ANKMY1: variants seen among roughly 807,000 people sequenced by gnomAD.
The protein encoded by ANKMY1 is ankyrin repeat and MYND domain-containing protein 1.
A neutral mutation model predicts 102.0 loss-of-function variants in ANKMY1; 98 were observed. The ratio of observed to expected loss-of-function variants is 0.96; its 90% CI spans 0.82 to 1.14. The LOEUF (loss-of-function observed/expected upper bound fraction) is 1.14. ANKMY1 is among the 50% of genes most tolerant of loss of function. ANKMY1 has a pLI of 0.00. For missense variants in ANKMY1, 1,330 were observed against 1,347.6 expected (o/e 0.99, Z 0.20); for synonymous variants, 582 against 559.9 (o/e 1.04, Z -0.56).
intron 9 of ANKMY1, among the ~76,000 whole-genome samples, chr2:240,515,095 T>C (rs1229694837): frequency 2.0e-5 from 3 of 152,208 alleles, no homozygotes; most frequent in African/African-American, 7.2e-5. Context: ...GCACATGAGA[T>C]TGCAAGGGGC....
intron 4 of ANKMY1, among the ~76,000 whole-genome samples, chr2:240,537,819 C>A (rs1458198566): frequency 1.3e-5 from 2 of 152,244 alleles, no homozygotes; most frequent in African/African-American, 2.4e-5. Flanking sequence ...ATAGCCCACA[C>A]CTGCGCCAAT....
chr2:240,516,635 GT>G (rs2081265221), intron 9 of ANKMY1, among the ~76,000 whole-genome samples: 2 of 152,162 alleles, frequency 1.3e-5, no homozygotes. Context: ...CACAATTATT[GT>G]TTTGTTTTCT....
At chr2:240,551,433 A>G (rs2091508985) in intron 4 of ANKMY1, among the ~76,000 whole-genome samples, 2 of 152,136 alleles carry the variant, frequency 1.3e-5, no homozygotes, top group Admixed American at 6.6e-5. Flanking sequence ...GGAACTGGTT[A>G]TTTTCCCAAG....
At chr2:240,500,367 G>T in intron 14 of ANKMY1, 85 bp downstream of exon 14, 2 of 1,394,762 alleles carry the variant, frequency 1.4e-6, no homozygotes, top group South Asian at 1.3e-5. Flanking sequence ...GCCCAGCTTT[G>T]CCCCAGAGAA....
chr2:240,504,527 C>T (rs1273721509), intron 13 of ANKMY1, among the ~76,000 whole-genome samples: 3 of 151,848 alleles, frequency 2.0e-5, no homozygotes, highest in Non-Finnish European at 4.4e-5. Context: ...ATTACATACC[C>T]GATAAGGGAT....
Position 240,557,367 on chromosome 2 carries a change from A to C in ANKMY1, c.-17-15T>G. 6.8e-7 allele frequency: 1 copy of C among 1,462,506 alleles called. No homozygotes were observed. Among genetic ancestry groups the C allele is most frequent in the East Asian group, 2.6e-5 (1 of 37,928 alleles). The allele number at this position is 1,462,506 out of a possible 1,614,324, so 90.6% of individuals were successfully genotyped here. On this transcript the variant is annotated splice_polypyrimidine_tract_variant and intron_variant, in intron 1 of 17. Coordinates refer to ENST00000401804, the MANE Select transcript of ANKMY1 (RefSeq NM_001282771.3). ...GGTCTTCCAACCTGCAAGCGACGTC[A>C]GGACCGCACATGTGCCCCCAGGGCT...
chr2:240,503,708 C>T (rs919447050), intron 13 of ANKMY1, among the ~76,000 whole-genome samples: 9 of 152,166 alleles, frequency 5.9e-5, no homozygotes, highest in Non-Finnish European at 1.0e-4. Context: ...GGACTGAAAA[C>T]GCCGAAGCCA....
intron 9 of ANKMY1, among the ~76,000 whole-genome samples, chr2:240,515,302 C>T (rs961403048): frequency 4.6e-5 from 7 of 152,060 alleles, no homozygotes; most frequent in African/African-American, 1.2e-4. Context: ...TTCGGGAGGC[C>T]AAGGTGGGCG....
rs1220940648 is a variant in ANKMY1, at chr2:240,553,062, G to T, written c.337-5C>A. ...GTAAAACTGCCCATGGTATGACTGT[G>T]AGATGGAGAAGTTGGTGAGAAATTG... On this transcript the variant is annotated splice_polypyrimidine_tract_variant and splice_region_variant and intron_variant, in intron 3 of 17. Coordinates refer to ENST00000401804, the MANE Select transcript of ANKMY1 (RefSeq NM_001282771.3). The T allele has an allele frequency of 1.9e-6, 3 of 1,611,634 alleles. No homozygotes were observed. The highest frequency in any genetic ancestry group is 2.5e-6 in the Non-Finnish European group (3 of 1,178,098).
At chr2:240,492,892 G>A (rs531808261) in intron 15 of ANKMY1, among the ~76,000 whole-genome samples, 4 of 152,260 alleles carry the variant, frequency 2.6e-5, no homozygotes, top group African/African-American at 7.2e-5. Context: ...GTTTCACCAC[G>A]TTGGCCAGGC....
At chr2:240,494,033 G>T (rs958614613) in intron 15 of ANKMY1, among the ~76,000 whole-genome samples, 2 of 152,170 alleles carry the variant, frequency 1.3e-5, no homozygotes, top group Admixed American at 6.5e-5. Flanking sequence ...GGTGCTGGCA[G>T]GTAGGTGCCA....
At chr2:240,484,112 CT>C (rs2075764176) in intron 15 of ANKMY1, among the ~76,000 whole-genome samples, 1 of 152,112 alleles carries the variant, frequency 6.6e-6, no homozygotes, top group Non-Finnish European at 1.5e-5. Context: ...GGTTCCAAGT[CT>C]TTGCTATTGT....
the ANKMY1 span, among the ~76,000 whole-genome samples, chr2:240,468,930 G>C: frequency 6.6e-6 from 1 of 152,204 alleles, no homozygotes; most frequent in African/African-American, 2.4e-5. Context: ...CAGGTCCCTG[G>C]TAGCCACGGT....
At chr2:240,532,023 T>A (rs1170466827) in intron 4 of ANKMY1, 1 of 447,202 alleles carries the variant, frequency 2.2e-6, no homozygotes, top group Non-Finnish European at 4.6e-6. Context: ...AGGTCTAACA[T>A]ACCTGCAATT....
Position 240,507,838 on chromosome 2 carries a change from C to T in ANKMY1, c.2395-147G>A, listed in dbSNP as rs111955593. The T allele has an allele frequency of 2.3e-3, 2,183 of 940,650 alleles. 27 individuals are homozygous for T. In the African/African-American group the frequency reaches 0.03, roughly 13 times the overall value. The allele number at this position is 940,650 out of a possible 1,614,324, so 58.3% of individuals were successfully genotyped here. ...CCGCTGGCCCTTCCCACGGATCCTA[C>T]CCACAGTGGGTCCCGCTGCTGGCCT... is the stretch of plus-strand genomic sequence containing the variant. On this transcript the variant is annotated intron_variant, in intron 12 of 17. Transcript: ENST00000401804.
the ANKMY1 span, among the ~76,000 whole-genome samples, chr2:240,470,484 C>A: frequency 1.3e-5 from 2 of 152,190 alleles, no homozygotes; most frequent in African/African-American, 4.8e-5. Flanking sequence ...CAGATGAGAC[C>A]ACCCCACAAA....
chr2:240,472,711 T>G, the ANKMY1 span, among the ~76,000 whole-genome samples: 4 of 151,950 alleles, frequency 2.6e-5, no homozygotes, highest in African/African-American at 9.7e-5. Flanking sequence ...GAGGCAACCC[T>G]TCAGAGACCC....
chr2:240,548,729 CAGAG>C (rs2090934358), intron 4 of ANKMY1, among the ~76,000 whole-genome samples: 1 of 150,980 alleles, frequency 6.6e-6, no homozygotes, highest in South Asian at 2.1e-4. Context: ...AACAGACAAA[CAGAG>C]AGCCAAATCA....
At chr2:240,560,494 G>A (rs371757530), upstream of ANKMY1, 2 of 862,650 alleles carry the variant, frequency 2.3e-6, no homozygotes, top group Non-Finnish European at 3.1e-6. Flanking sequence ...CGGCCCCAAC[G>A]AGACCCAAGC....
Sources: allele counts gnomAD v4.1 joint callset (sites outside exome capture counted in the v4.1 genomes callset), GRCh38; gene constraint gnomAD v4.1.1; transcripts MANE v1.5; gene names NCBI Gene and HGNC (gene_info 2026-07-23, HGNC 2026-07-21).